TRAPPC11: variants seen among roughly 807,000 people sequenced by gnomAD.
The protein encoded by TRAPPC11 is trafficking protein particle complex subunit 11.
A neutral mutation model predicts 151.2 loss-of-function variants in TRAPPC11; 104 were observed. The ratio of observed to expected loss-of-function variants is 0.69; its 90% CI spans 0.59 to 0.81. The LOEUF (loss-of-function observed/expected upper bound fraction) is 0.81, where lower values mean the gene tolerates loss of function less well. TRAPPC11 is among the 30% of genes least tolerant of loss of function. TRAPPC11 has a pLI of 0.00. For synonymous variants in TRAPPC11, 456 were observed against 472.3 expected (o/e 0.97, Z 0.45); for missense variants, 1,230 against 1,349.6 (o/e 0.91, Z 1.39).
intron 19 of TRAPPC11, 21 bp downstream of exon 19, chr4:183,691,492 T>G (rs769215824): frequency 1.5e-6 from 2 of 1,360,262 alleles, no homozygotes; most frequent in Non-Finnish European, 2.0e-6. Flanking sequence ...AAATTTGTTT[T>G]AAAATATTTT....
intron 7 of TRAPPC11, 89 bp from the exon 8 acceptor site, chr4:183,677,369 A>C: frequency 1.2e-6 from 1 of 801,070 alleles, no homozygotes; most frequent in Non-Finnish European, 2.2e-6. Flanking sequence ...TAAAATGTTG[A>C]GTAAATATTC....
At chr4:183,705,873 T>G (rs949675761) in intron 27 of TRAPPC11, 1 of 152,194 alleles carries the variant, frequency 6.6e-6, no homozygotes, top group African/African-American at 2.4e-5. Flanking sequence ...CAAGAGAAAC[T>G]TCCCTTTATC....
intron 25 of TRAPPC11, 58 bp from the exon 26 acceptor site, chr4:183,701,639 A>G (rs2111087609): frequency 8.5e-7 from 1 of 1,181,074 alleles, no homozygotes; most frequent in Non-Finnish European, 1.3e-6. Context: ...TTGGATGTGA[A>G]ACTCTCCTTT....
chr4:183,671,587 A>G (rs1735160324), intron 5 of TRAPPC11, among the ~76,000 whole-genome samples: 1 of 152,208 alleles, frequency 6.6e-6, no homozygotes, highest in Non-Finnish European at 1.5e-5. Flanking sequence ...AAGTTGTGTG[A>G]ATATTTTTGC....
In TRAPPC11 at chr4:183,672,960, A is replaced by AT. The variant is rs35637688; in HGVS notation, c.561-1733dup. 9.8e-3 allele frequency among the ~76,000 whole-genome samples: 1,289 copies of AT among 131,006 alleles called. 11 individuals are homozygous for AT. Among genetic ancestry groups the AT allele is most frequent in the Middle Eastern group, 0.016 (4 of 254 alleles). The allele number at this position is 131,006 out of a possible 152,430, so 85.9% of individuals were successfully genotyped here. Reference sequence around the variant, plus strand: ...GTGCCTTGTTGCTACCCGTTCGCAAATTTTTTTTTTTTTTTTTTTTGAGAT... The same window carrying AT: ...GTGCCTTGTTGCTACCCGTTCGCAAATTTTTTTTTTTTTTTTTTTTTGAGAT... On this transcript the variant is annotated intron_variant, in intron 5 of 29. Coordinates refer to ENST00000334690, the MANE Select transcript of TRAPPC11 (RefSeq NM_021942.6).
intron 22 of TRAPPC11, 75 bp from the exon 23 acceptor site, chr4:183,694,529 A>G: frequency 7.0e-7 from 1 of 1,428,120 alleles, no homozygotes; most frequent in Non-Finnish European, 9.6e-7. Context: ...AGAAGGTGGG[A>G]ACATTATCCT....
intron 9 of TRAPPC11, 33 bp downstream of exon 9, chr4:183,679,519 A>T (rs768306554): frequency 5.2e-6 from 8 of 1,547,250 alleles, no homozygotes; most frequent in Admixed American, 2.0e-5. Context: ...AGAATTTTTT[A>T]AAAATGATAC....
At chr4:183,704,641 G>A (rs940649544) in intron 26 of TRAPPC11, among the ~76,000 whole-genome samples, 20 of 151,394 alleles carry the variant, frequency 1.3e-4, no homozygotes, top group Middle Eastern at 3.5e-3. Flanking sequence ...GTGAAACCCC[G>A]TCTCTACTAA....
chr4:183,694,863 A>T (rs1182974715), intron 23 of TRAPPC11, 140 bp downstream of exon 23: 8 of 851,870 alleles, frequency 9.4e-6, no homozygotes, highest in Non-Finnish European at 1.4e-5. Flanking sequence ...TAAACTTTTT[A>T]AAAAATCACT....
intron 5 of TRAPPC11, among the ~76,000 whole-genome samples, chr4:183,671,280 T>TTAGATTTTTGTCTCTGATC (rs1417642341): frequency 4.6e-5 from 7 of 152,214 alleles, no homozygotes; most frequent in African/African-American, 9.6e-5. Context: ...ATTCATGCAG[T>TTAGATTTTTGTCTCTGATC]TAGATTTTTG....
At chr4:183,707,923 CT>C (rs142031641) in intron 28 of TRAPPC11, among the ~76,000 whole-genome samples, 22 of 149,786 alleles carry the variant, frequency 1.5e-4, no homozygotes, top group African/African-American at 3.4e-4. Context: ...TTCAAAACAT[CT>C]TTTTTTTTTC....
At chr4:183,701,364 G>A (rs777155319) in intron 25 of TRAPPC11, 7 of 186,148 alleles carry the variant, frequency 3.8e-5, no homozygotes, top group Non-Finnish European at 7.8e-5. Context: ...TACTTTGGAG[G>A]CATGAAATAA....
intron 18 of TRAPPC11, among the ~76,000 whole-genome samples, 166 bp from the exon 19 acceptor site, chr4:183,691,150 G>A (rs928831918): frequency 9.9e-5 from 15 of 152,214 alleles, no homozygotes; most frequent in African/African-American, 3.6e-4. Context: ...TATGGCAGCA[G>A]TAAGTGGATA....
Position 183,682,911 on chromosome 4 carries a change from T to G in TRAPPC11, c.1207+86T>G. ...AGATTTTCCATTGGCTGCACATGCA[T>G]AAGAAATTATGTTGAAGTAAAAATG... On this transcript the variant is annotated intron_variant, in intron 11 of 29. Coordinates refer to ENST00000334690, the MANE Select transcript of TRAPPC11 (RefSeq NM_021942.6). 5.7e-6 allele frequency: 5 copies of G among 877,318 alleles called. No homozygotes were observed. The South Asian group carries it at 7.6e-5, about 13-fold the overall frequency. The allele number at this position is 877,318 out of a possible 1,614,324, so 54.3% of individuals were successfully genotyped here.
chr4:183,693,526 T>C, intron 20 of TRAPPC11, 63 bp from the exon 21 acceptor site: 1 of 1,530,434 alleles, frequency 6.5e-7, no homozygotes, highest in Non-Finnish European at 8.8e-7. Context: ...TTTAAATACT[T>C]TATTTGAATA....
At chr4:183,687,149 C>T (rs1736018259) in intron 18 of TRAPPC11, among the ~76,000 whole-genome samples, 1 of 152,042 alleles carries the variant, frequency 6.6e-6, no homozygotes, top group Admixed American at 6.6e-5. Context: ...CCACTGCACT[C>T]CAGCCTGGTG....
In TRAPPC11 at chr4:183,693,632, G is replaced by A. The variant is rs917947173; in HGVS notation, c.2281G>A (p.Glu761Lys). Residue 761 changes from glutamate (E) to lysine (K), a missense_variant, in exon 21 of 30, where the codon GAA becomes AAA. Glu to Lys is a moderately conservative substitution (Grantham distance 56). Transcript: ENST00000334690. ...AAACATTTCTGTACATCTGCTACAT[G>A]AACCCCCTGCACTGACTAATGAAAT... is the stretch of plus-strand genomic sequence containing the variant. Reference protein sequence around the residue: ...VPNISVHLLHEPPALTNEMYC... With the variant: ...VPNISVHLLHKPPALTNEMYC... 6.2e-7 allele frequency: 1 copy of A among 1,613,568 alleles called. No individual in the cohort carries two copies.
At chr4:183,672,707 C>T (rs962056796) in intron 5 of TRAPPC11, among the ~76,000 whole-genome samples, 5 of 152,162 alleles carry the variant, frequency 3.3e-5, no homozygotes, top group Admixed American at 3.3e-4. Flanking sequence ...ACTTACCAAG[C>T]CTACTTACTC....
At chr4:183,684,928 T>A (rs1735888150) in intron 15 of TRAPPC11, 87 bp downstream of exon 15, 6 of 1,361,026 alleles carry the variant, frequency 4.4e-6, no homozygotes, top group African/African-American at 1.5e-5. Context: ...AATAATTTAG[T>A]CCCAGATAAT....
Sources: gnomAD v4.1 joint callset for allele counts (sites outside exome capture counted in the v4.1 genomes callset) on GRCh38, gnomAD v4.1.1 for gene constraint, MANE v1.5 for transcripts, NCBI Gene and HGNC (gene_info 2026-07-23, HGNC 2026-07-21) for gene names.